FAM53B: variants seen among roughly 807,000 people sequenced by gnomAD.
FAM53B encodes family with sequence similarity 53 member B, also known as protein FAM53B.
FAM53B carries 12 observed loss-of-function variants against 32.7 expected under a neutral mutation model. The ratio of observed to expected loss-of-function variants is 0.37; its 90% CI spans 0.24 to 0.59. The LOEUF is 0.59. Among genes scored for constraint, FAM53B ranks in the 20% least tolerant of loss-of-function variants. The pLI, the probability that FAM53B is intolerant of heterozygous loss-of-function variation, is 0.72. For synonymous variants in FAM53B, 234 were observed against 228.7 expected (o/e 1.02, Z -0.21); for missense variants, 477 against 577.7 (o/e 0.83, Z 1.79).
chr10:124,703,325 G>A (rs1367716114), intron 2 of FAM53B, among the ~76,000 whole-genome samples: 4 of 152,192 alleles, frequency 2.6e-5, no homozygotes, highest in South Asian at 2.1e-4. Flanking sequence ...TGGGATTACC[G>A]GCGTGAGCCA....
intron 4 of FAM53B, among the ~76,000 whole-genome samples, chr10:124,662,489 TC>T (rs1949639944): frequency 8.4e-6 from 1 of 119,462 alleles, no homozygotes; most frequent in Non-Finnish European, 1.7e-5. Context: ...CATCCATCCA[TC>T]CATCCATCCA....
intron 4 of FAM53B, among the ~76,000 whole-genome samples, chr10:124,675,135 T>C (rs1461826423): frequency 6.6e-6 from 1 of 152,098 alleles, no homozygotes; most frequent in Non-Finnish European, 1.5e-5. Context: ...CTTAAGCAGA[T>C]TGCTTGTGCA....
chr10:124,717,579 C>T (rs562814757), intron 1 of FAM53B, among the ~76,000 whole-genome samples: 7 of 152,316 alleles, frequency 4.6e-5, no homozygotes, highest in African/African-American at 1.7e-4. Flanking sequence ...AAAGCAGAGT[C>T]GGAGCAGGCC....
rs566753652 is a variant in FAM53B at position 124,675,250 on chromosome 10, C to T, written c.906+6357G>A. Among the ~76,000 whole-genome samples the T allele has an allele frequency of 4.8e-4, 73 of 152,148 alleles. 1 individual carries two copies. The highest frequency in any genetic ancestry group is 1.6e-3 in the African/African-American group (65 of 41,500). Reference sequence around the variant, plus strand: ...CAGCCTGGGTGACAGAGCAACACTCCGTCAAAAGAAAGGAAAGAAAGGGAG... The same window carrying T: ...CAGCCTGGGTGACAGAGCAACACTCTGTCAAAAGAAAGGAAAGAAAGGGAG... On this transcript the variant is annotated intron_variant, in intron 4 of 4. Coordinates refer to ENST00000337318, the MANE Select transcript of FAM53B (RefSeq NM_014661.4).
At chr10:124,689,153 G>A (rs1199380007) in intron 3 of FAM53B, among the ~76,000 whole-genome samples, 1 of 152,190 alleles carries the variant, frequency 6.6e-6, no homozygotes, top group African/African-American at 2.4e-5. Flanking sequence ...GGGCCACAAA[G>A]ATTCTATGCT....
chr10:124,717,847 C>CT (rs2134094066), intron 1 of FAM53B, among the ~76,000 whole-genome samples: 1 of 152,286 alleles, frequency 6.6e-6, no homozygotes, highest in East Asian at 1.9e-4. Flanking sequence ...GGACAACTCT[C>CT]AGGACAAGAA....
chr10:124,654,654 G>A (rs536857700), intron 4 of FAM53B, among the ~76,000 whole-genome samples: 80 of 152,302 alleles, frequency 5.3e-4, no homozygotes, highest in Admixed American at 1.1e-3. Context: ...CCCCCAGCTC[G>A]GGTGGTGGCA....
At chr10:124,665,195 G>C (rs1249327666) in intron 4 of FAM53B, among the ~76,000 whole-genome samples, 1 of 152,200 alleles carries the variant, frequency 6.6e-6, no homozygotes, top group African/African-American at 2.4e-5. Context: ...CTCCACTGAA[G>C]GGTACCAAAG....
intron 4 of FAM53B, among the ~76,000 whole-genome samples, chr10:124,626,202 G>A (rs935466698): frequency 6.6e-6 from 1 of 152,398 alleles, no homozygotes; most frequent in Non-Finnish European, 1.5e-5. Flanking sequence ...GAACGCAGCA[G>A]GAGCGCAGCC....
At chr10:124,701,759 C>T (rs1949916146) in intron 2 of FAM53B, among the ~76,000 whole-genome samples, 1 of 149,766 alleles carries the variant, frequency 6.7e-6, no homozygotes, top group African/African-American at 2.4e-5. Context: ...GAAGCCAGGG[C>T]CATGGGCACA....
chr10:124,677,254 C>T lies in FAM53B; in HGVS notation c.906+4353G>A, dbSNP rs578115432. Among the ~76,000 whole-genome samples the T allele has an allele frequency of 5.9e-5, 9 of 152,324 alleles. No individual in the cohort carries two copies. In the East Asian group the frequency reaches 1.5e-3, roughly 26 times the overall value. On this transcript the variant is annotated intron_variant, in intron 4 of 4. Transcript: ENST00000337318. The stretch of plus-strand genomic sequence containing the variant: ...GTGGTCAAACCAGGTCTCAAAAAAG[C>T]AGTAAGGAAAATGTCAGCAAAAGTC...
intron 3 of FAM53B, among the ~76,000 whole-genome samples, chr10:124,685,917 T>C (rs1169390947): frequency 1.3e-5 from 2 of 152,304 alleles, no homozygotes; most frequent in South Asian, 2.1e-4. Context: ...GCTTCAGCTG[T>C]CAGCCACTGT....
intron 4 of FAM53B, among the ~76,000 whole-genome samples, chr10:124,632,057 C>T (rs1162117482): frequency 6.6e-6 from 1 of 152,356 alleles, no homozygotes; most frequent in South Asian, 2.1e-4. Context: ...CTGAGGCCTA[C>T]ACCCCAGGAT....
intron 1 of FAM53B, among the ~76,000 whole-genome samples, chr10:124,732,948 A>G (rs1950153516): frequency 1.3e-5 from 2 of 152,150 alleles, no homozygotes; most frequent in Admixed American, 1.3e-4. Context: ...ACTTCTGGTC[A>G]TAACGCTCTT....
intron 4 of FAM53B, among the ~76,000 whole-genome samples, chr10:124,676,460 G>A (rs552434555): frequency 6.6e-6 from 1 of 152,308 alleles, no homozygotes; most frequent in Non-Finnish European, 1.5e-5. Flanking sequence ...AGCTGGGCCT[G>A]CCGCACAGGA....
chr10:124,625,451 C>A (rs1949340725), intron 4 of FAM53B, among the ~76,000 whole-genome samples: 1 of 152,178 alleles, frequency 6.6e-6, no homozygotes, highest in African/African-American at 2.4e-5. Context: ...TTCGATGCAG[C>A]CCGGTGGTGT....
At chr10:124,691,252 C>T (rs771623157) in intron 3 of FAM53B, among the ~76,000 whole-genome samples, 6 of 152,154 alleles carry the variant, frequency 3.9e-5, no homozygotes, top group Non-Finnish European at 8.8e-5. Flanking sequence ...ACAGAGTAGA[C>T]TTTAACAGCC....
intron 2 of FAM53B, among the ~76,000 whole-genome samples, chr10:124,696,564 C>G (rs1270840763): frequency 6.6e-6 from 1 of 152,126 alleles, no homozygotes; most frequent in African/African-American, 2.4e-5. Context: ...CTGAGCTGGG[C>G]TGAGAAGAGA....
chr10:124,729,103 G>A (rs557651623), intron 1 of FAM53B, among the ~76,000 whole-genome samples: 6 of 152,330 alleles, frequency 3.9e-5, no homozygotes, highest in Admixed American at 3.9e-4. Flanking sequence ...CTCAGAAAAC[G>A]CCAGCACTCT....
Sources: allele counts gnomAD v4.1 joint callset (sites outside exome capture counted in the v4.1 genomes callset), GRCh38; gene constraint gnomAD v4.1.1; transcripts MANE v1.5; gene names NCBI Gene and HGNC (gene_info 2026-07-23, HGNC 2026-07-21).